WDR70: variants seen among roughly 807,000 people sequenced by gnomAD.
WDR70 encodes WD repeat-containing protein 70.
In WDR70, 53 loss-of-function variants were observed where a neutral mutation model predicts 88.6. That is an observed-to-expected ratio of 0.60 (90% confidence interval 0.48 to 0.75). WDR70 has a LOEUF of 0.75. WDR70 is among the 30% of genes least tolerant of loss of function. The pLI is 0.00. For synonymous variants in WDR70, 280 were observed against 270.0 expected, an observed-to-expected ratio of 1.04 and a Z score of -0.36; for missense variants, 610 against 823.2, an observed-to-expected ratio of 0.74 and a Z score of 3.17.
At chr5:37,554,759 T>G (rs79602389) in intron 9 of WDR70, among the ~76,000 whole-genome samples, 26 of 152,102 alleles carry the variant, frequency 1.7e-4, no homozygotes, top group African/African-American at 6.0e-4. Context: ...GCAGTGGTTA[T>G]TCACAGGTGT....
chr5:37,487,718 C>T (rs1362433516), intron 8 of WDR70, among the ~76,000 whole-genome samples: 22 of 150,012 alleles, frequency 1.5e-4, no homozygotes, highest in Non-Finnish European at 2.5e-4. Context: ...CTCCTCCTCC[C>T]GGGTACAAGT....
intron 10 of WDR70, among the ~76,000 whole-genome samples, chr5:37,635,328 G>A (rs1183478594): frequency 8.5e-5 from 13 of 152,146 alleles, no homozygotes. Flanking sequence ...TGGAAGAAGA[G>A]CACTGTACTA....
intron 9 of WDR70, among the ~76,000 whole-genome samples, chr5:37,550,187 T>C (rs1345765496): frequency 3.9e-5 from 6 of 152,154 alleles, no homozygotes; most frequent in African/African-American, 1.2e-4. Context: ...TTTTAGCAAA[T>C]TGATGGTTTT....
intron 9 of WDR70, among the ~76,000 whole-genome samples, chr5:37,579,355 G>C (rs489123): frequency 0.097 from 14,753 of 152,142 alleles, 2,294 homozygotes; most frequent in African/African-American, 0.33. Context: ...AGAGGCTGAG[G>C]CGGGTGGATC....
chr5:37,561,813 G>A lies in WDR70; in HGVS notation c.918-43251G>A, dbSNP rs184011797. ...AGGTTCTCTGTTGATTTAACATAAA[G>A]ATAGCATCTGAAATTGTAAGCAGTT... On this transcript the variant is annotated intron_variant, in intron 9 of 17. Coordinates refer to ENST00000265107, the MANE Select transcript of WDR70 (RefSeq NM_018034.4). Among the ~76,000 whole-genome samples the A allele has an allele frequency of 5.8e-3, 880 of 152,284 alleles. 10 individuals are homozygous for A. The highest frequency in any genetic ancestry group is 0.024 in the Middle Eastern group (7 of 294).
At chr5:37,701,965 A>C (rs1009959041) in intron 12 of WDR70, among the ~76,000 whole-genome samples, 1 of 152,174 alleles carries the variant, frequency 6.6e-6, no homozygotes, top group Non-Finnish European at 1.5e-5. Context: ...TCTCCAATCT[A>C]CTAAATTGGC....
chr5:37,566,937 A>T (rs1460213012), intron 9 of WDR70, among the ~76,000 whole-genome samples: 2 of 152,184 alleles, frequency 1.3e-5, no homozygotes, highest in South Asian at 2.1e-4. Flanking sequence ...TGGGAGAAAG[A>T]CATGTCTAAG....
At chr5:37,468,380 T>G (rs1446141190) in intron 7 of WDR70, among the ~76,000 whole-genome samples, 1 of 152,196 alleles carries the variant, frequency 6.6e-6, no homozygotes, top group African/African-American at 2.4e-5. Flanking sequence ...ACAAATATAT[T>G]TTTTATTTCA....
chr5:37,506,844 G>T, intron 8 of WDR70: 1 of 1,266,816 alleles, frequency 7.9e-7, no homozygotes, highest in Non-Finnish European at 1.2e-6. Context: ...TCAGGAACAG[G>T]GTCACCCGCC....
chr5:37,658,570 A>T (rs1191697092), intron 10 of WDR70, among the ~76,000 whole-genome samples: 1 of 152,048 alleles, frequency 6.6e-6, no homozygotes, highest in Non-Finnish European at 1.5e-5. Flanking sequence ...CTCTGTAAGG[A>T]CATTCCTGTC....
chr5:37,455,575 C>T (rs1448099024), intron 7 of WDR70, among the ~76,000 whole-genome samples: 1 of 148,998 alleles, frequency 6.7e-6, no homozygotes, highest in Non-Finnish European at 1.5e-5. Flanking sequence ...GGCTATTTAG[C>T]TTTGGCTCTC....
At chr5:37,722,625 T>C (rs745730401) in intron 14 of WDR70, 27 of 518,382 alleles carry the variant, frequency 5.2e-5, no homozygotes, top group Non-Finnish European at 8.7e-5. Flanking sequence ...CCCTGTTACC[T>C]CTCCAACCCT....
At chr5:37,609,762 C>T (rs545681247) in intron 10 of WDR70, among the ~76,000 whole-genome samples, 6 of 152,290 alleles carry the variant, frequency 3.9e-5, no homozygotes, top group Admixed American at 1.3e-4. Flanking sequence ...TTCCCCAGCT[C>T]GGTTGGCTGT....
intron 5 of WDR70, among the ~76,000 whole-genome samples, chr5:37,424,618 C>G (rs1266540357): frequency 6.6e-6 from 1 of 151,966 alleles, no homozygotes; most frequent in Non-Finnish European, 1.5e-5. Context: ...CTCTGTTGCC[C>G]AAGCTGGACT....
intron 9 of WDR70, among the ~76,000 whole-genome samples, chr5:37,519,425 G>A (rs1283630287): frequency 4.0e-5 from 6 of 148,324 alleles, no homozygotes; most frequent in Admixed American, 6.7e-5. Flanking sequence ...CAGACGGGGC[G>A]GCCGGGCGGA....
intron 9 of WDR70, among the ~76,000 whole-genome samples, chr5:37,571,353 C>T (rs1038948964): frequency 6.6e-6 from 1 of 152,072 alleles, no homozygotes; most frequent in Admixed American, 6.5e-5. Context: ...CAAGAATAGA[C>T]TAGTCTTGTA....
chr5:37,570,508 C>T (rs1201728849), intron 9 of WDR70, among the ~76,000 whole-genome samples: 2 of 152,046 alleles, frequency 1.3e-5, no homozygotes. Flanking sequence ...ATCAACCAGG[C>T]AGGGAGCTTT....
intron 10 of WDR70, among the ~76,000 whole-genome samples, chr5:37,638,878 C>G (rs6451329): frequency 0.47 from 71,070 of 152,014 alleles, 18,171 homozygotes; most frequent in Non-Finnish European, 0.58. Context: ...TTTTCAAAAG[C>G]AAGACTACAA....
chr5:37,488,996 G>A (rs974972318), intron 8 of WDR70, among the ~76,000 whole-genome samples: 2 of 152,180 alleles, frequency 1.3e-5, no homozygotes, highest in African/African-American at 2.4e-5. Flanking sequence ...TAGGTAGGGC[G>A]CTTCAGCATT....
Sources: allele counts gnomAD v4.1 joint callset (sites outside exome capture counted in the v4.1 genomes callset), GRCh38; gene constraint gnomAD v4.1.1; transcripts MANE v1.5; gene names NCBI Gene and HGNC (gene_info 2026-07-23, HGNC 2026-07-21).